Variants in ANKRD44 observed in about 807,000 individuals in gnomAD.
ANKRD44 encodes the protein serine/threonine-protein phosphatase 6 regulatory ankyrin repeat subunit B.
Under a neutral mutation model 116.0 loss-of-function variants are expected in ANKRD44, and 35 were observed. That is an observed-to-expected ratio of 0.30 (90% confidence interval 0.23 to 0.40). The LOEUF is 0.40. Among genes scored for constraint, ANKRD44 ranks in the 10% least tolerant of loss-of-function variants. The pLI is 1.00. For synonymous variants in ANKRD44, 435 were observed against 461.8 expected (o/e 0.94, Z 0.74); for missense variants, 1,014 against 1,242.6 (o/e 0.82, Z 2.77).
chr2:197,024,900 T>C (rs886279627), intron 17 of ANKRD44, among the ~76,000 whole-genome samples: 2 of 152,248 alleles, frequency 1.3e-5, no homozygotes, highest in African/African-American at 4.8e-5. Flanking sequence ...GGTTAAACTC[T>C]ACAAGAATAA....
chr2:197,175,100 A>T (rs1222283060), intron 2 of ANKRD44, among the ~76,000 whole-genome samples: 2 of 152,224 alleles, frequency 1.3e-5, no homozygotes, highest in Non-Finnish European at 2.9e-5. Context: ...AGATTTTTTT[A>T]AACGCACTGT....
At position 197,086,157 on chromosome 2, in the gene ANKRD44, A is replaced by T. The variant is rs142279003; in HGVS notation, c.1316+523T>A. On this transcript the variant is annotated intron_variant, in intron 13 of 27. Transcript: ENST00000282272. ...GGTAAAGAGATGCAATGGGAAAAAA[A>T]ATTATATATATACATGAAAAATATA... Among the ~76,000 whole-genome samples, 1,444 of 152,240 alleles carry T rather than the reference A, an allele frequency of 9.5e-3. 7 individuals carry two copies. Among genetic ancestry groups the T allele is most frequent in the Middle Eastern group, 0.017 (5 of 294 alleles).
At chr2:197,012,353 T>C (rs549611770) in intron 18 of ANKRD44, among the ~76,000 whole-genome samples, 6 of 151,680 alleles carry the variant, frequency 4.0e-5, no homozygotes, top group African/African-American at 1.5e-4. Flanking sequence ...CCTTTGTAAT[T>C]GTCAGGAATT....
At chr2:197,088,898 T>C (rs978966885) in intron 11 of ANKRD44, 124 bp from the exon 12 acceptor site, 2 of 1,030,960 alleles carry the variant, frequency 1.9e-6, no homozygotes, top group African/African-American at 3.3e-5. Context: ...ATGCAAGCAA[T>C]TGTAGTCAGA....
At chr2:197,156,866 C>T (rs780470218) in intron 2 of ANKRD44, among the ~76,000 whole-genome samples, 5 of 151,988 alleles carry the variant, frequency 3.3e-5, no homozygotes, top group Non-Finnish European at 7.4e-5. Flanking sequence ...TGTATAAATC[C>T]ACGTACATAA....
chr2:197,097,837 C>CTTT (rs1367085031), intron 10 of ANKRD44, among the ~76,000 whole-genome samples: 1 of 152,226 alleles, frequency 6.6e-6, no homozygotes, highest in African/African-American at 2.4e-5. Context: ...CCGAATGACT[C>CTTT]AGAGTGGAAT....
intron 1 of ANKRD44, among the ~76,000 whole-genome samples, chr2:197,254,622 CACACACACAT>C (rs979755172): frequency 3.5e-5 from 5 of 140,994 alleles, no homozygotes; most frequent in African/African-American, 1.3e-4. Context: ...CACACACACA[CACACACACAT>C]ATATATATTT....
intron 17 of ANKRD44, 63 bp from the exon 18 acceptor site, chr2:197,013,775 A>G: frequency 6.3e-7 from 1 of 1,576,204 alleles, no homozygotes; most frequent in East Asian, 2.2e-5. Context: ...GCCACAGTCC[A>G]CAGGAGGGGC....
chr2:197,181,826 T>C (rs2080513912), intron 2 of ANKRD44, among the ~76,000 whole-genome samples: 1 of 152,240 alleles, frequency 6.6e-6, no homozygotes. Context: ...TACAACCACA[T>C]GACATAATGA....
chr2:197,158,984 A>AACACACACACAC (rs5837527), intron 2 of ANKRD44, among the ~76,000 whole-genome samples: 7 of 148,468 alleles, frequency 4.7e-5, no homozygotes, highest in African/African-American at 1.7e-4. Context: ...AGAGCAAACA[A>AACACACACACAC]ACACACACAC....
chr2:197,070,311 C>G (rs573911904), intron 16 of ANKRD44, among the ~76,000 whole-genome samples: 1 of 152,254 alleles, frequency 6.6e-6, no homozygotes, highest in East Asian at 1.9e-4. Context: ...ACATCCTTGA[C>G]TTAGTCTTTT....
intron 1 of ANKRD44, among the ~76,000 whole-genome samples, chr2:197,225,153 G>T (rs1158374206): frequency 4.6e-5 from 7 of 152,202 alleles, no homozygotes; most frequent in Non-Finnish European, 4.4e-5. Context: ...AGAGACCAAA[G>T]ATTTGAAAAG....
At chr2:197,031,165 CTT>C (rs548249401) in intron 16 of ANKRD44, among the ~76,000 whole-genome samples, 1 of 142,498 alleles carries the variant, frequency 7.0e-6, no homozygotes. Context: ...ACACTATTTT[CTT>C]TTTTTTTTTT....
At chr2:197,146,088 A>G (rs1323341381) in intron 3 of ANKRD44, among the ~76,000 whole-genome samples, 1 of 152,236 alleles carries the variant, frequency 6.6e-6, no homozygotes, top group African/African-American at 2.4e-5. Context: ...GTTTCCAAAA[A>G]TTAAACCACT....
At chr2:197,255,007 T>C (rs531921792) in intron 1 of ANKRD44, among the ~76,000 whole-genome samples, 1 of 152,304 alleles carries the variant, frequency 6.6e-6, no homozygotes, top group Admixed American at 6.5e-5. Context: ...AAGGCAATAG[T>C]TAACTGAACC....
intron 17 of ANKRD44, among the ~76,000 whole-genome samples, chr2:197,021,454 C>T (rs1238939136): frequency 6.6e-6 from 1 of 152,200 alleles, no homozygotes; most frequent in African/African-American, 2.4e-5. Context: ...ACATCCTCTC[C>T]AGCACCTGCT....
intron 1 of ANKRD44, among the ~76,000 whole-genome samples, chr2:197,245,302 G>A (rs999212030): frequency 3.9e-5 from 6 of 152,120 alleles, no homozygotes; most frequent in African/African-American, 7.2e-5. Context: ...GTATAACAAC[G>A]GTTTACATAG....
chr2:197,187,416 G>A (rs1252133648), intron 1 of ANKRD44, among the ~76,000 whole-genome samples: 2 of 152,148 alleles, frequency 1.3e-5, no homozygotes, highest in Non-Finnish European at 2.9e-5. Context: ...CCCTGACAAG[G>A]AAACTACTAA....
At chr2:197,029,669 T>G (rs1418601600) in intron 16 of ANKRD44, 1 of 301,210 alleles carries the variant, frequency 3.3e-6, no homozygotes, top group Non-Finnish European at 6.4e-6. Flanking sequence ...TTACAGGCAA[T>G]GCAGGGTATC....
Sources: allele counts gnomAD v4.1 joint callset (sites outside exome capture counted in the v4.1 genomes callset), GRCh38; gene constraint gnomAD v4.1.1; transcripts MANE v1.5; gene names NCBI Gene and HGNC (gene_info 2026-07-23, HGNC 2026-07-21).